Variants in FGF14 observed in about 807,000 individuals in gnomAD.
FGF14 encodes the protein fibroblast growth factor homologous factor 4.
FGF14 carries 5 observed loss-of-function variants against 25.5 expected under a neutral mutation model. The observed-to-expected ratio is 0.20, with a 90% CI of 0.10 to 0.41. The LOEUF is 0.41. FGF14 is among the 10% of genes least tolerant of loss of function. FGF14 has a pLI of 1.00. For missense variants in FGF14, 222 were observed against 320.1 expected, an observed-to-expected ratio of 0.69 and a Z score of 2.34; for synonymous variants, 138 against 118.3, an observed-to-expected ratio of 1.17 and a Z score of -1.08.
chr13:102,021,066 T>C lies in FGF14; in HGVS notation c.209-145770A>G, dbSNP rs116073439. Among the ~76,000 whole-genome samples the C allele has an allele frequency of 6.8e-3, 1,034 of 152,044 alleles. 13 individuals are homozygous for C. Among genetic ancestry groups the C allele is most frequent in the African/African-American group, 0.023 (959 of 41,476 alleles). ...TTTGATGACAAGCTAGGGGTATGAC[T>C]ACTGGGTGTATGTGCCTTAAGTGGA... On this transcript the variant is annotated intron_variant, in intron 1 of 4. Coordinates refer to the FGF14 transcript ENST00000376131.
chr13:101,910,248 TAAATA>T lies in FGF14; in HGVS notation c.193+6200_193+6204del, dbSNP rs535615368. Among the ~76,000 whole-genome samples the T allele has an allele frequency of 9.0e-3, 1,362 of 151,386 alleles. 22 individuals are homozygous for T. Among genetic ancestry groups the T allele is most frequent in the African/African-American group, 0.031 (1,277 of 41,292 alleles). ...CCCTAAAACATAAAGTATAAAAAAA[TAAATA>T]AAATAAAAAGTAAATCAGACCAAAA... On this transcript the variant is annotated intron_variant, in intron 1 of 4. Transcript: ENST00000376143.
intron 1 of FGF14, among the ~76,000 whole-genome samples, chr13:102,243,554 G>A (rs1371561635): frequency 6.6e-6 from 1 of 151,582 alleles, no homozygotes; most frequent in African/African-American, 2.4e-5. Flanking sequence ...AATAAGTTGG[G>A]GTATCAGTGT....
intron 1 of FGF14, among the ~76,000 whole-genome samples, chr13:102,287,646 GT>G (rs1302957026): frequency 1.3e-5 from 2 of 152,158 alleles, no homozygotes; most frequent in Non-Finnish European, 2.9e-5. Flanking sequence ...AAATGTTCTT[GT>G]TTTTAATCTG....
intron 1 of FGF14, among the ~76,000 whole-genome samples, chr13:102,032,608 T>C (rs1024283124): frequency 1.3e-5 from 2 of 152,162 alleles, no homozygotes; most frequent in African/African-American, 4.8e-5. Context: ...TTGTGTCCTT[T>C]AATGCTTATA....
chr13:101,778,784 G>A (rs1417600417), intron 3 of FGF14: 1 of 152,084 alleles, frequency 6.6e-6, no homozygotes, highest in Non-Finnish European at 1.5e-5. Context: ...GATAGACACT[G>A]CTTGTAATTT....
At chr13:102,163,959 T>C (rs1389701977) in intron 1 of FGF14, among the ~76,000 whole-genome samples, 1 of 152,100 alleles carries the variant, frequency 6.6e-6, no homozygotes, top group Non-Finnish European at 1.5e-5. Context: ...AAAATCTGAT[T>C]CCCGTTGTAG....
chr13:101,785,067 C>T (rs926094547), intron 3 of FGF14, among the ~76,000 whole-genome samples: 1 of 152,112 alleles, frequency 6.6e-6, no homozygotes, highest in African/African-American at 2.4e-5. Flanking sequence ...CACATTGTCT[C>T]CTAGGTACTC....
intron 1 of FGF14, among the ~76,000 whole-genome samples, chr13:102,133,281 G>A (rs2046276530): frequency 6.6e-6 from 1 of 152,122 alleles, no homozygotes; most frequent in Admixed American, 6.6e-5. Context: ...ATCTGATCAG[G>A]TTGGAATAGC....
chr13:102,164,048 G>A (rs2047895184), intron 1 of FGF14, among the ~76,000 whole-genome samples: 1 of 152,102 alleles, frequency 6.6e-6, no homozygotes, highest in Non-Finnish European at 1.5e-5. Flanking sequence ...CCTCAGCAGT[G>A]ACCAGGCATA....
chr13:102,347,874 T>C (rs892067751), intron 1 of FGF14, among the ~76,000 whole-genome samples: 7 of 151,996 alleles, frequency 4.6e-5, no homozygotes, highest in African/African-American at 1.7e-4. Context: ...GGAATGTTTA[T>C]AAAAATATAA....
At chr13:102,153,275 T>C (rs1170572773) in intron 1 of FGF14, among the ~76,000 whole-genome samples, 9 of 152,232 alleles carry the variant, frequency 5.9e-5, no homozygotes, top group Admixed American at 5.2e-4. Flanking sequence ...AATTTTTATA[T>C]GTAGATGCCC....
At chr13:102,110,644 C>T (rs1400305443) in intron 1 of FGF14, among the ~76,000 whole-genome samples, 3 of 152,138 alleles carry the variant, frequency 2.0e-5, no homozygotes, top group African/African-American at 4.8e-5. Context: ...TGCCAATCCT[C>T]ACTCTAGACA....
At chr13:102,253,689 T>C (rs1566866744) in intron 1 of FGF14, among the ~76,000 whole-genome samples, 1 of 152,214 alleles carries the variant, frequency 6.6e-6, no homozygotes. Context: ...ATGTGTCTAT[T>C]TTGGCTTTTG....
At chr13:102,025,767 A>G (rs1001591701) in intron 1 of FGF14, among the ~76,000 whole-genome samples, 1 of 152,030 alleles carries the variant, frequency 6.6e-6, no homozygotes, top group Non-Finnish European at 1.5e-5. Flanking sequence ...ATGATATTCT[A>G]AGTGCCATTT....
chr13:101,823,014 T>C (rs1436713356), intron 3 of FGF14, among the ~76,000 whole-genome samples: 1 of 152,252 alleles, frequency 6.6e-6, no homozygotes, highest in African/African-American at 2.4e-5. Flanking sequence ...TTTCACTTAG[T>C]ATAATGTAGC....
At chr13:102,309,131 A>AAC (rs1247982990) in intron 1 of FGF14, among the ~76,000 whole-genome samples, 4 of 50,138 alleles carry the variant, frequency 8.0e-5, no homozygotes, top group Admixed American at 2.2e-4. Flanking sequence ...ATACATGCAT[A>AAC]ACATACACAC....
At chr13:102,202,457 G>A (rs2049704856) in intron 1 of FGF14, among the ~76,000 whole-genome samples, 1 of 152,188 alleles carries the variant, frequency 6.6e-6, no homozygotes, top group South Asian at 2.1e-4. Flanking sequence ...TGATAAGTGA[G>A]GGTGATGGCC....
At chr13:102,143,210 T>C (rs1403826807) in intron 1 of FGF14, among the ~76,000 whole-genome samples, 1 of 152,212 alleles carries the variant, frequency 6.6e-6, no homozygotes, top group Admixed American at 6.6e-5. Flanking sequence ...GAGTTTCCTC[T>C]ACAAAATACT....
intron 1 of FGF14, among the ~76,000 whole-genome samples, chr13:102,180,722 T>G (rs76496671): frequency 6.6e-6 from 1 of 152,164 alleles, no homozygotes; most frequent in African/African-American, 2.4e-5. Flanking sequence ...CTGGGAAGAA[T>G]GTATATGCTA....
Sources: allele counts gnomAD v4.1 joint callset (sites outside exome capture counted in the v4.1 genomes callset), GRCh38; gene constraint gnomAD v4.1.1; transcripts MANE v1.5; gene names NCBI Gene and HGNC (gene_info 2026-07-23, HGNC 2026-07-21).